TRIM36: variants seen among roughly 807,000 people sequenced by gnomAD.
TRIM36 encodes tripartite motif containing 36.
In TRIM36, 42 loss-of-function variants were observed where a neutral mutation model predicts 72.4. That is an observed-to-expected ratio of 0.58 (90% CI 0.45 to 0.75). TRIM36 has a LOEUF of 0.75. TRIM36 is among the 30% of genes least tolerant of loss of function. The probability of loss-of-function intolerance (pLI) is 0.00; values close to 1 mark genes in which losing one functional copy is unlikely to be tolerated. For synonymous variants in TRIM36, 315 were observed against 282.8 expected, an observed-to-expected ratio of 1.11 and a Z score of -1.14; for missense variants, 913 against 857.1, an observed-to-expected ratio of 1.07 and a Z score of -0.81.
chr5:115,161,051 A>G (rs1425800164), intron 2 of TRIM36, among the ~76,000 whole-genome samples: 6 of 152,218 alleles, frequency 3.9e-5, no homozygotes, highest in African/African-American at 1.4e-4. Context: ...AACCTCCAGG[A>G]ATGATTTCCA....
At chr5:115,156,590 G>T (rs888245031) in intron 2 of TRIM36, among the ~76,000 whole-genome samples, 1 of 152,172 alleles carries the variant, frequency 6.6e-6, no homozygotes, top group Non-Finnish European at 1.5e-5. Flanking sequence ...TCAAGAAATG[G>T]TGCTGGGATA....
At chr5:115,137,145 T>C (rs1753005488) in intron 6 of TRIM36, 21 bp from the exon 7 acceptor site, 1 of 1,552,776 alleles carries the variant, frequency 6.4e-7, no homozygotes, top group South Asian at 1.2e-5. Context: ...ATATTTTATA[T>C]AAAAATGTTT....
chr5:115,178,475 A>G (rs1393980955), intron 1 of TRIM36, among the ~76,000 whole-genome samples: 1 of 152,118 alleles, frequency 6.6e-6, no homozygotes, highest in African/African-American at 2.4e-5. Context: ...CTCTTTGCTC[A>G]GAGCCAGCCC....
At chr5:115,147,735 T>C (rs1175422985) in intron 2 of TRIM36, among the ~76,000 whole-genome samples, 2 of 152,178 alleles carry the variant, frequency 1.3e-5, no homozygotes, top group Non-Finnish European at 2.9e-5. Context: ...ATAATTAGCA[T>C]TTATAGTTAC....
At chr5:115,137,960 C>A (rs923395469) in intron 5 of TRIM36, among the ~76,000 whole-genome samples, 1 of 152,132 alleles carries the variant, frequency 6.6e-6, no homozygotes, top group African/African-American at 2.4e-5. Context: ...AGAGAATAAT[C>A]TTTCAGTGGT....
chr5:115,135,377 T>C (rs1752906747), intron 7 of TRIM36, among the ~76,000 whole-genome samples: 1 of 152,172 alleles, frequency 6.6e-6, no homozygotes, highest in African/African-American at 2.4e-5. Flanking sequence ...TGGAAAGTTA[T>C]TCAAAATACA....
At chr5:115,141,607 A>C (rs562143961) in intron 4 of TRIM36, among the ~76,000 whole-genome samples, 1 of 152,320 alleles carries the variant, frequency 6.6e-6, no homozygotes, top group African/African-American at 2.4e-5. Flanking sequence ...AGAACAAGGT[A>C]ATAATGGTTA....
chr5:115,165,188 T>C (rs183748460), intron 1 of TRIM36, among the ~76,000 whole-genome samples: 10 of 152,270 alleles, frequency 6.6e-5, no homozygotes, highest in African/African-American at 2.2e-4. Context: ...AGGCGCATGA[T>C]GAAAGCTGTT....
At chr5:115,148,275 T>C in intron 2 of TRIM36, 5 of 911,184 alleles carry the variant, frequency 5.5e-6, no homozygotes, top group Non-Finnish European at 5.2e-6. Flanking sequence ...AAACATCACA[T>C]TTTTGTTCAG....
At chr5:115,173,153 C>A (rs528349160), upstream of TRIM36, among the ~76,000 whole-genome samples, 1 of 152,160 alleles carries the variant, frequency 6.6e-6, no homozygotes, top group East Asian at 1.9e-4. Flanking sequence ...ATATCCCAGC[C>A]TCCCAGGATA....
chr5:115,159,359 T>C (rs182538348), intron 2 of TRIM36, among the ~76,000 whole-genome samples: 58 of 152,338 alleles, frequency 3.8e-4, no homozygotes, highest in African/African-American at 1.3e-3. Flanking sequence ...AGATATCATA[T>C]ACAAAAAACA....
upstream of TRIM36, among the ~76,000 whole-genome samples, chr5:115,174,864 A>G (rs141321683): frequency 2.4e-3 from 359 of 152,334 alleles, 1 homozygote; most frequent in African/African-American, 8.1e-3. Context: ...GCTATTAGGA[A>G]GATGAGAGGA....
intron 1 of TRIM36, among the ~76,000 whole-genome samples, chr5:115,176,841 A>G (rs181329916): frequency 2.4e-4 from 37 of 152,352 alleles, no homozygotes; most frequent in African/African-American, 8.7e-4. Flanking sequence ...GCTTTCAGAA[A>G]TGGTAAAAGT....
At position 115,137,029 on chromosome 5, in the gene TRIM36, A is replaced by C; in HGVS notation, c.1181T>G (p.Leu394Arg). 1 of 1,604,920 alleles carries C rather than the reference A, an allele frequency of 6.2e-7. No individual in the cohort carries two copies. The highest frequency in any genetic ancestry group is 8.5e-7 in the Non-Finnish European group (1 of 1,176,668). ...AGAGAAAAAGGATAATTCTCCAAGA[A>C]GTTCTGTTTGTTTAGAGGTATTAAC... ...YVVNTSKQTE[L>R]LGELSFFSSG... Residue 394 changes from leucine to arginine, a missense_variant, in exon 7 of 10, where the codon CTT becomes CGT. By Grantham distance (102) the Leu-to-Arg change is moderately radical (BLOSUM62 -2). Transcript: ENST00000513154.
At chr5:115,145,370 CAT>C (rs1228996249) in intron 3 of TRIM36, among the ~76,000 whole-genome samples, 2 of 152,048 alleles carry the variant, frequency 1.3e-5, no homozygotes, top group Admixed American at 1.3e-4. Context: ...TATCAAATAA[CAT>C]AAAATTTTAT....
intron 4 of TRIM36, among the ~76,000 whole-genome samples, chr5:115,142,923 A>G (rs1347804711): frequency 6.6e-6 from 1 of 152,160 alleles, no homozygotes; most frequent in South Asian, 2.1e-4. Flanking sequence ...ACTAGTGTAT[A>G]TCAGAGTCTC....
intron 7 of TRIM36, among the ~76,000 whole-genome samples, chr5:115,135,339 C>T (rs1237719809): frequency 1.3e-5 from 2 of 152,002 alleles, no homozygotes; most frequent in Admixed American, 6.6e-5. Flanking sequence ...ATTTATACAA[C>T]TGAATGTTAT....
chr5:115,133,997 A>G lies in TRIM36; in HGVS notation c.1361T>C (p.Ile454Thr). Residue 454 changes from isoleucine (I) to threonine (T), a missense_variant, in exon 8 of 10, where the codon ATA becomes ACA. Transcript: ENST00000513154. ...TATTTTACTTGTTCCACACACTTCT[A>G]TCTCATTCCATGACATTTCATCATC... ...NRDDEMSWNE[I>T]EVCGTSKIIQ... The G allele has an allele frequency of 6.2e-7, 1 of 1,613,954 alleles. No individual in the cohort carries two copies. The highest frequency in any genetic ancestry group is 8.5e-7 in the Non-Finnish European group (1 of 1,179,952).
At chr5:115,163,458 T>C in intron 2 of TRIM36, 60 bp downstream of exon 2, 1 of 1,410,060 alleles carries the variant, frequency 7.1e-7, no homozygotes, top group Non-Finnish European at 1.0e-6. Context: ...CAGTTACCAC[T>C]GAATATATAT....
Sources: gnomAD v4.1 joint callset for allele counts (sites outside exome capture counted in the v4.1 genomes callset) on GRCh38, gnomAD v4.1.1 for gene constraint, MANE v1.5 for transcripts, NCBI Gene and HGNC (gene_info 2026-07-23, HGNC 2026-07-21) for gene names.